RPE: variants seen among roughly 807,000 people sequenced by gnomAD.
RPE encodes the protein ribulose-5-phosphate-3-epimerase.
A neutral mutation model predicts 24.6 loss-of-function variants in RPE; 16 were observed. The observed-to-expected ratio is 0.65, with a 90% CI of 0.44 to 0.99. The LOEUF (loss-of-function observed/expected upper bound fraction) is 0.99, where lower values mean the gene tolerates loss of function less well. Ranked by LOEUF, RPE falls within the 50% of genes least tolerant of loss-of-function variation. RPE has a pLI of 0.00. For synonymous variants in RPE, 93 were observed against 98.4 expected (o/e 0.94, Z 0.33); for missense variants, 240 against 294.5 (o/e 0.81, Z 1.35).
chr2:210,007,573 G>A (rs548037821), intron 1 of RPE, among the ~76,000 whole-genome samples: 18 of 152,214 alleles, frequency 1.2e-4, no homozygotes, highest in Non-Finnish European at 2.4e-4. Context: ...GCCAAAGTTG[G>A]TCAATACCAC....
At chr2:210,013,700 A>G (rs2093731001) in intron 2 of RPE, among the ~76,000 whole-genome samples, 1 of 152,142 alleles carries the variant, frequency 6.6e-6, no homozygotes, top group African/African-American at 2.4e-5. Flanking sequence ...GGGGTCTTTA[A>G]TAATTTTTAA....
intron 1 of RPE, among the ~76,000 whole-genome samples, chr2:210,008,528 T>C (rs1035041901): frequency 9.9e-5 from 15 of 151,802 alleles, no homozygotes; most frequent in African/African-American, 3.6e-4. Flanking sequence ...ACACCTGCCC[T>C]TGTGATCTGC....
chr2:210,004,282 A>G (rs892321810), intron 1 of RPE, among the ~76,000 whole-genome samples: 6 of 152,246 alleles, frequency 3.9e-5, no homozygotes, highest in African/African-American at 1.4e-4. Context: ...ACCAGTCAGG[A>G]TTATTAATGA....
intron 5 of RPE, chr2:210,018,176 C>T: frequency 5.2e-6 from 8 of 1,534,912 alleles, no homozygotes; most frequent in Non-Finnish European, 7.0e-6. Flanking sequence ...CATTAAGTTT[C>T]ACGGCCTTGG....
chr2:210,010,763 C>T (rs768472929), intron 2 of RPE, among the ~76,000 whole-genome samples: 7 of 151,962 alleles, frequency 4.6e-5, no homozygotes, highest in Non-Finnish European at 8.8e-5. Flanking sequence ...ACTAAAAATT[C>T]AAAAATTAAT....
chr2:210,011,664 TTTGTTGTTG>T lies in RPE; in HGVS notation c.202+1941_202+1949del, dbSNP rs530211928. Among the ~76,000 whole-genome samples, 12 of 152,116 alleles carry T rather than the reference TTTGTTGTTG, an allele frequency of 7.9e-5. No individual in the cohort carries two copies. The South Asian group carries it at 2.1e-3, about 26-fold the overall frequency. ...ACCCTTGTTTTTTGGTTTTTCGCTT[TTTGTTGTTG>T]TTGTTGTTGTTGCTTTAAGAGACAG... On this transcript the variant is annotated intron_variant, in intron 2 of 5. Coordinates refer to ENST00000359429, the MANE Select transcript of RPE (RefSeq NM_199229.3).
At chr2:210,014,008 G>C (rs2093735453) in intron 2 of RPE, among the ~76,000 whole-genome samples, 1 of 152,160 alleles carries the variant, frequency 6.6e-6, no homozygotes, top group Non-Finnish European at 1.5e-5. Context: ...AGGGTTGCTA[G>C]TGGTTACTGG....
chr2:210,013,095 GGTA>G (rs1439748263), intron 2 of RPE, among the ~76,000 whole-genome samples: 2 of 152,128 alleles, frequency 1.3e-5, no homozygotes, highest in Non-Finnish European at 2.9e-5. Flanking sequence ...TGGTGTGTTA[GGTA>G]TATTAAATGC....
chr2:210,012,570 C>G (rs1481960681), intron 2 of RPE, among the ~76,000 whole-genome samples: 3 of 152,208 alleles, frequency 2.0e-5, no homozygotes, highest in Non-Finnish European at 1.5e-5. Context: ...AGGAAAACCA[C>G]TTGCACCATA....
At chr2:210,006,304 TA>T (rs2093630181) in intron 1 of RPE, among the ~76,000 whole-genome samples, 1 of 152,172 alleles carries the variant, frequency 6.6e-6, no homozygotes, top group Non-Finnish European at 1.5e-5. Context: ...GTAAATACAT[TA>T]GAACTGCTCT....
chr2:210,006,835 A>G (rs1228333643), intron 1 of RPE, among the ~76,000 whole-genome samples: 1 of 152,172 alleles, frequency 6.6e-6, no homozygotes, highest in Non-Finnish European at 1.5e-5. Context: ...TGTTAGAATC[A>G]CTTTTTTAAT....
chr2:210,011,205 T>G (rs765940155), intron 2 of RPE, among the ~76,000 whole-genome samples: 10 of 152,226 alleles, frequency 6.6e-5, no homozygotes, highest in Non-Finnish European at 2.9e-5. Flanking sequence ...TATAATGGGA[T>G]ATAGTCCTCT....
In RPE at chr2:210,019,790, G is replaced by T; in HGVS notation, c.686G>T (p.Ter229LeuextTer69). The T allele has an allele frequency of 6.2e-7, 1 of 1,611,806 alleles. No individual in the cohort carries two copies. The highest frequency in any genetic ancestry group is 8.5e-7 in the Non-Finnish European group (1 of 1,178,634). ...EAAQKRSLDR[*>L] is the part of the protein sequence containing the mutation. Reference sequence around the variant, plus strand: ...GCTCAGAAACGTTCTCTTGATCGGTGAAACCATAAGGAGCCCAGTGTTCCT... The same window carrying T: ...GCTCAGAAACGTTCTCTTGATCGGTTAAACCATAAGGAGCCCAGTGTTCCT... The change falls in exon 6 of 6, where the codon TGA (stop) becomes TTA (leucine). Residue 229 changes from the stop codon to leucine (L), a stop_lost. Transcript: ENST00000359429.
At position 210,019,777 on chromosome 2, in the gene RPE, T is replaced by C. The variant is rs766973673; in HGVS notation, c.673T>C (p.Ser225Pro). 1 of 1,612,904 alleles carries C rather than the reference T, an allele frequency of 6.2e-7. No individual in the cohort carries two copies. Among genetic ancestry groups the C allele is most frequent in the Admixed American group, 1.7e-5 (1 of 59,896 alleles). The change falls in exon 6 of 6, where the codon TCT becomes CCT. Residue 225 changes from serine (S) to proline (P), a missense_variant. By Grantham distance (74) the Ser-to-Pro change is moderately conservative. Coordinates refer to ENST00000359429, the MANE Select transcript of RPE (RefSeq NM_199229.3). ...NVCSEAAQKRSLDR is the reference protein window; with the variant it reads ...NVCSEAAQKRPLDR ...TTGCTCAGAAGCTGCTCAGAAACGT[T>C]CTCTTGATCGGTGAAACCATAAGGA...
chr2:210,011,831 A>ATTTT, intron 2 of RPE, among the ~76,000 whole-genome samples: 1 of 106,722 alleles, frequency 9.4e-6, no homozygotes, highest in Non-Finnish European at 1.9e-5. Flanking sequence ...ACAACCGGCT[A>ATTTT]TTTTTTTTTT....
chr2:210,016,179 G>T (rs1181280068), intron 3 of RPE, 67 bp downstream of exon 3: 1 of 1,613,674 alleles, frequency 6.2e-7, no homozygotes, highest in Non-Finnish European at 8.5e-7. Context: ...CGGGAAACAG[G>T]AAATTTTCTC....
intron 2 of RPE, 43 bp from the exon 3 acceptor site, chr2:210,015,930 C>T: frequency 6.2e-7 from 1 of 1,601,444 alleles, no homozygotes; most frequent in Non-Finnish European, 8.5e-7. Flanking sequence ...TAACATGAGC[C>T]AGGTATTTTT....
rs762534839 is a variant in RPE at position 210,017,575 on chromosome 2, A to C, written c.564+16A>C. On this transcript the variant is annotated intron_variant, in intron 5 of 5. Transcript: ENST00000359429. ...ATGTGCAGAGGTGAGATTGCTCTTC[A>C]ACTATGACTAGACCAATTTCCCGTC... is the stretch of plus-strand genomic sequence containing the variant. The C allele has an allele frequency of 2.4e-5, 38 of 1,611,226 alleles. No individual in the cohort carries two copies. Among genetic ancestry groups the C allele is most frequent in the Non-Finnish European group, 1.0e-5 (12 of 1,177,786 alleles).
At chr2:210,013,749 G>T (rs1414580331) in intron 2 of RPE, among the ~76,000 whole-genome samples, 1 of 151,876 alleles carries the variant, frequency 6.6e-6, no homozygotes, top group African/African-American at 2.4e-5. Flanking sequence ...CACTTGCCTT[G>T]GCCTCCCAAA....
Sources: allele counts gnomAD v4.1 joint callset (sites outside exome capture counted in the v4.1 genomes callset), GRCh38; gene constraint gnomAD v4.1.1; transcripts MANE v1.5; gene names NCBI Gene and HGNC (gene_info 2026-07-23, HGNC 2026-07-21).